The following TRIQK variants were observed in gnomAD, a reference collection of about 807,000 sequenced individuals.
TRIQK encodes triple QxxK/R motif containing, also known as triple QxxK/R motif-containing protein.
In TRIQK, 10 loss-of-function variants were observed where a neutral mutation model predicts 10.8. That is an observed-to-expected ratio of 0.92 (90% confidence interval 0.57 to 1.57). The LOEUF is 1.57. Ranked by LOEUF, TRIQK falls within the 40% of genes most tolerant of loss-of-function variation. The probability of loss-of-function intolerance (pLI) is 0.00; values close to 1 mark genes in which losing one functional copy is unlikely to be tolerated. For missense variants in TRIQK, 107 were observed against 97.7 expected (o/e 1.09, Z -0.40); for synonymous variants, 33 against 33.7 (o/e 0.98, Z 0.07).
At position 92,989,395 on chromosome 8, in the gene TRIQK, T is replaced by G. The variant is rs571942797; in HGVS notation, c.-181+28214A>C. ...TGAGCAATGTGCAAGTGAGTGAAGC[T>G]TCATCTCTATTTACAGCTGTTCCCT... On this transcript the variant is annotated intron_variant, in intron 1 of 4. Coordinates refer to the TRIQK transcript ENST00000520686. Among the ~76,000 whole-genome samples, 5 of 152,290 alleles carry G rather than the reference T, an allele frequency of 3.3e-5. No individual in the cohort carries two copies. The East Asian group carries it at 9.7e-4, about 29-fold the overall frequency.
At chr8:92,947,616 T>A in intron 2 of TRIQK, among the ~76,000 whole-genome samples, 1 of 148,536 alleles carries the variant, frequency 6.7e-6, no homozygotes, top group Non-Finnish European at 1.5e-5. Flanking sequence ...AAAAAAGCCT[T>A]CATTTTTCTT....
chr8:92,995,157 T>C (rs1477944739), intron 1 of TRIQK, among the ~76,000 whole-genome samples: 1 of 152,012 alleles, frequency 6.6e-6, no homozygotes, highest in Middle Eastern at 3.2e-3. Flanking sequence ...ATAATGTCAT[T>C]TTTTATGTCT....
chr8:92,952,858 A>G (rs1310860297), intron 2 of TRIQK, among the ~76,000 whole-genome samples: 1 of 152,052 alleles, frequency 6.6e-6, no homozygotes, highest in East Asian at 1.9e-4. Context: ...ATGCCATTGC[A>G]TAACGAGCCA....
chr8:92,995,431 C>G (rs773358547), intron 1 of TRIQK, among the ~76,000 whole-genome samples: 2 of 151,950 alleles, frequency 1.3e-5, no homozygotes, highest in Non-Finnish European at 2.9e-5. Context: ...ATTCAGTGAG[C>G]CTTTTCAATC....
At chr8:92,916,169 T>C (rs1809832307) in intron 3 of TRIQK, among the ~76,000 whole-genome samples, 1 of 152,222 alleles carries the variant, frequency 6.6e-6, no homozygotes, top group Non-Finnish European at 1.5e-5. Context: ...AATGCAGTTA[T>C]AGGATATTGA....
chr8:92,938,152 C>A (rs998753350), intron 2 of TRIQK, among the ~76,000 whole-genome samples: 2 of 151,972 alleles, frequency 1.3e-5, no homozygotes, highest in Admixed American at 6.6e-5. Flanking sequence ...AGGGTCACAA[C>A]TATTCTTACA....
At chr8:92,949,846 G>C (rs1184870646) in intron 2 of TRIQK, among the ~76,000 whole-genome samples, 1 of 76,988 alleles carries the variant, frequency 1.3e-5, no homozygotes, top group Non-Finnish European at 2.4e-5. Context: ...AAGAAAGGGA[G>C]AGAAAAGAAA....
intron 2 of TRIQK, among the ~76,000 whole-genome samples, chr8:92,920,321 G>T (rs1810108396): frequency 6.6e-6 from 1 of 151,560 alleles, no homozygotes; most frequent in Non-Finnish European, 1.5e-5. Context: ...TCTGCAAGTT[G>T]TTCCTCATTC....
At chr8:93,006,441 C>A (rs899128166) in intron 1 of TRIQK, among the ~76,000 whole-genome samples, 5 of 152,306 alleles carry the variant, frequency 3.3e-5, no homozygotes, top group Middle Eastern at 3.4e-3. Flanking sequence ...GTGCGACACA[C>A]GGATCAGGAG....
At chr8:92,922,561 A>C (rs571364021) in intron 2 of TRIQK, 37 of 151,972 alleles carry the variant, frequency 2.4e-4, no homozygotes, top group African/African-American at 7.9e-4. Context: ...ACATCCCAGC[A>C]GAGATAACAC....
chr8:92,953,936 G>A (rs1401692065), intron 2 of TRIQK: 3 of 151,830 alleles, frequency 2.0e-5, no homozygotes, highest in Non-Finnish European at 4.4e-5. Flanking sequence ...AAAAATGGAT[G>A]TATCAATTTA....
intron 2 of TRIQK, among the ~76,000 whole-genome samples, chr8:92,918,775 A>AC (rs34869928): frequency 0.084 from 12,314 of 145,752 alleles, 728 homozygotes; most frequent in African/African-American, 0.17. Flanking sequence ...TTGAGATCTT[A>AC]CCCCCCCCCA....
intron 3 of TRIQK, among the ~76,000 whole-genome samples, chr8:92,909,294 T>C (rs889854694): frequency 4.6e-5 from 7 of 151,778 alleles, no homozygotes; most frequent in African/African-American, 7.2e-5. Flanking sequence ...CCAGAAATAA[T>C]CCAGGAGATT....
At chr8:92,970,112 A>G (rs1303874578), upstream of TRIQK, among the ~76,000 whole-genome samples, 1 of 152,208 alleles carries the variant, frequency 6.6e-6, no homozygotes, top group Non-Finnish European at 1.5e-5. Flanking sequence ...GTTCCTGCAA[A>G]GGACATGATC....
At chr8:92,948,021 T>C (rs552681957) in intron 2 of TRIQK, among the ~76,000 whole-genome samples, 1 of 152,268 alleles carries the variant, frequency 6.6e-6, no homozygotes, top group South Asian at 2.1e-4. Context: ...TAATTCTCCT[T>C]TTCATATTCA....
In TRIQK at chr8:92,886,647, G is replaced by T; in HGVS notation, c.236C>A (p.Pro79His). The change falls in exon 5 of 5, where the codon CCT (proline) becomes CAT (histidine). Residue 79 changes from proline to histidine, a missense_variant. Pro to His is a moderately conservative substitution (Grantham distance 77, BLOSUM62 -2). Coordinates refer to ENST00000521988, the MANE Select transcript of TRIQK (RefSeq NM_001171797.2). ...CTAATCTTCATCTTGGTCCAGATCA[G>T]GGTCAACATCCGTGGTGAGTCTGAG... ...FYLRLTTDVD[P>H]DLDQDED 6.5e-7 allele frequency: 1 copy of T among 1,528,932 alleles called. No individual in the cohort carries two copies. Among genetic ancestry groups the T allele is most frequent in the African/African-American group, 1.4e-5 (1 of 72,544 alleles). 94.7% of individuals were successfully genotyped at this position (1,528,932 alleles called of 1,614,324 possible). A position where few individuals can be genotyped will look rare whatever the true frequency, so the allele number is the denominator to read the frequency against.
At chr8:92,989,564 C>A (rs1813075071) in intron 1 of TRIQK, among the ~76,000 whole-genome samples, 1 of 152,144 alleles carries the variant, frequency 6.6e-6, no homozygotes, top group Non-Finnish European at 1.5e-5. Flanking sequence ...ACCTGATGAT[C>A]CGTCACTGTC....
intron 1 of TRIQK, among the ~76,000 whole-genome samples, chr8:92,984,055 T>C (rs948903184): frequency 3.3e-5 from 5 of 152,030 alleles, no homozygotes; most frequent in African/African-American, 1.2e-4. Flanking sequence ...GAATGCTAAA[T>C]TGAGATAATA....
rs568251186 is a variant in TRIQK at position 92,892,746 on chromosome 8, G to C, written c.62-672C>G. 3.9e-5 allele frequency among the ~76,000 whole-genome samples: 6 copies of C among 151,994 alleles called. No homozygotes were observed. The South Asian group carries it at 6.2e-4, about 16-fold the overall frequency. The stretch of plus-strand genomic sequence containing the variant: ...TTCATAGCCAAAAATGTGCGAAACT[G>C]AGTTAGTGCCACAAAATTTCCTTTG... On this transcript the variant is annotated intron_variant, in intron 3 of 4. Transcript: ENST00000521988.
Sources: allele counts gnomAD v4.1 joint callset (sites outside exome capture counted in the v4.1 genomes callset), GRCh38; gene constraint gnomAD v4.1.1; transcripts MANE v1.5; gene names NCBI Gene and HGNC (gene_info 2026-07-23, HGNC 2026-07-21).